Variants in TAFA2 observed in about 807,000 individuals in gnomAD.
The protein encoded by TAFA2 is TAFA chemokine like family member 2, also known as chemokine-like protein TAFA-2.
TAFA2 carries 7 observed loss-of-function variants against 18.8 expected under a neutral mutation model. That is an observed-to-expected ratio of 0.37 (90% confidence interval 0.21 to 0.70). The LOEUF is 0.70. Among genes scored for constraint, TAFA2 ranks in the 30% least tolerant of loss-of-function variants. TAFA2 has a pLI of 0.53. For missense variants in TAFA2, 122 were observed against 158.1 expected, an observed-to-expected ratio of 0.77 and a Z score of 1.23; for synonymous variants, 60 against 54.2, an observed-to-expected ratio of 1.11 and a Z score of -0.47.
intron 1 of TAFA2, among the ~76,000 whole-genome samples, chr12:62,034,471 T>C (rs1881547914): frequency 6.6e-6 from 1 of 152,250 alleles, no homozygotes; most frequent in Non-Finnish European, 1.5e-5. Context: ...CTAATTTGTT[T>C]TGGATAATAA....
At chr12:61,858,819 C>T (rs1251574008) in intron 2 of TAFA2, among the ~76,000 whole-genome samples, 2 of 152,110 alleles carry the variant, frequency 1.3e-5, no homozygotes, top group Non-Finnish European at 2.9e-5. Flanking sequence ...TCCACAGCAG[C>T]ATTGTCAATA....
At chr12:62,155,369 C>T (rs2062361240) in intron 1 of TAFA2, among the ~76,000 whole-genome samples, 2 of 152,022 alleles carry the variant, frequency 1.3e-5, no homozygotes, top group Admixed American at 1.3e-4. Flanking sequence ...AATGGCCATA[C>T]TAACAAAAGC....
intron 1 of TAFA2, among the ~76,000 whole-genome samples, chr12:62,016,506 G>A (rs996965359): frequency 4.6e-5 from 7 of 152,060 alleles, no homozygotes; most frequent in South Asian, 2.1e-4. Context: ...AAAGCTAATC[G>A]GAAAATGTTA....
At chr12:61,753,827 G>C in intron 3 of TAFA2, 81 bp from the exon 4 acceptor site, 1 of 1,315,002 alleles carries the variant, frequency 7.6e-7, no homozygotes, top group Non-Finnish European at 1.0e-6. Flanking sequence ...AGGAACAAAA[G>C]CCACTAATTT....
At chr12:61,851,619 TA>T (rs1234370399) in intron 2 of TAFA2, among the ~76,000 whole-genome samples, 1 of 149,196 alleles carries the variant, frequency 6.7e-6, no homozygotes, top group Non-Finnish European at 1.5e-5. Flanking sequence ...ACTAAATATA[TA>T]AAAAATTAGC....
chr12:62,253,551 T>C (rs765937820), intron 1 of TAFA2: 9 of 152,206 alleles, frequency 5.9e-5, no homozygotes, highest in Admixed American at 2.6e-4. Context: ...TAACAGAGAA[T>C]TCATTTCCTT....
At chr12:61,842,861 A>T (rs1171635648) in intron 2 of TAFA2, among the ~76,000 whole-genome samples, 1 of 152,124 alleles carries the variant, frequency 6.6e-6, no homozygotes, top group Admixed American at 6.6e-5. Flanking sequence ...AGGGCAATCA[A>T]ATCCTCTCTC....
At chr12:61,749,484 T>G (rs567771616) in intron 4 of TAFA2, among the ~76,000 whole-genome samples, 1 of 152,226 alleles carries the variant, frequency 6.6e-6, no homozygotes, top group South Asian at 2.1e-4. Flanking sequence ...TATTTGCTTT[T>G]GTTGTTTTAA....
At chr12:62,074,432 G>T (rs1009347202) in intron 1 of TAFA2, among the ~76,000 whole-genome samples, 1 of 152,172 alleles carries the variant, frequency 6.6e-6, no homozygotes, top group African/African-American at 2.4e-5. Flanking sequence ...AGAGTGACAT[G>T]TCTTATGAGC....
chr12:62,149,663 C>T (rs558243291), intron 1 of TAFA2, among the ~76,000 whole-genome samples: 7 of 150,660 alleles, frequency 4.6e-5, no homozygotes, highest in Admixed American at 6.6e-5. Context: ...CTTAATTTTA[C>T]AAATTACTAT....
At chr12:62,134,365 C>A (rs186432289) in intron 1 of TAFA2, among the ~76,000 whole-genome samples, 1 of 152,002 alleles carries the variant, frequency 6.6e-6, no homozygotes, top group East Asian at 1.9e-4. Context: ...GAGACCAGAG[C>A]ATTTGCACAT....
At chr12:61,972,619 C>T (rs980558108) in intron 1 of TAFA2, among the ~76,000 whole-genome samples, 4 of 151,632 alleles carry the variant, frequency 2.6e-5, no homozygotes, top group African/African-American at 9.7e-5. Context: ...CAGTAAATAA[C>T]TGGGCAGAAT....
intron 1 of TAFA2, among the ~76,000 whole-genome samples, chr12:61,963,260 A>G (rs1296256164): frequency 6.6e-6 from 1 of 152,024 alleles, no homozygotes; most frequent in South Asian, 2.1e-4. Context: ...TGCTGGGTCA[A>G]CCAGTATTTC....
chr12:62,035,329 A>C (rs765229426), intron 1 of TAFA2, among the ~76,000 whole-genome samples: 1 of 152,206 alleles, frequency 6.6e-6, no homozygotes, highest in Non-Finnish European at 1.5e-5. Context: ...ACAAACAACC[A>C]GTTACACAAT....
chr12:61,713,085 T>A lies in TAFA2; in HGVS notation c.385-2668A>T, dbSNP rs1869488742. Among the ~76,000 whole-genome samples, 4 of 152,310 alleles carry A rather than the reference T, an allele frequency of 2.6e-5. No individual in the cohort carries two copies. In the South Asian group the frequency reaches 8.3e-4, roughly 32 times the overall value. Reference sequence around the variant, plus strand: ...CTATTAAATTTAGCCTAAAGCTTCCTCCTTACATATTTTAAGTTCAGCCTA... The same window carrying A: ...CTATTAAATTTAGCCTAAAGCTTCCACCTTACATATTTTAAGTTCAGCCTA... On this transcript the variant is annotated intron_variant, in intron 4 of 4. Coordinates refer to ENST00000416284, the MANE Select transcript of TAFA2 (RefSeq NM_178539.5).
chr12:61,890,995 A>C (rs190995083), intron 1 of TAFA2, among the ~76,000 whole-genome samples: 1 of 152,210 alleles, frequency 6.6e-6, no homozygotes, highest in Non-Finnish European at 1.5e-5. Context: ...TCTGTTTTAG[A>C]AAATCACCAA....
intron 1 of TAFA2, among the ~76,000 whole-genome samples, chr12:62,050,484 C>G (rs927209042): frequency 6.6e-6 from 1 of 151,566 alleles, no homozygotes; most frequent in East Asian, 2.0e-4. Flanking sequence ...AGGCAGGAGA[C>G]TGGCGTGAAC....
chr12:61,995,059 T>C lies in TAFA2; in HGVS notation c.-1-127633A>G, dbSNP rs1354103798. ...GAGTGTTCCTATTAACATAAATTAG[T>C]CCACTTCTGTCTACTGTGTCATACT... On this transcript the variant is annotated intron_variant, in intron 1 of 4. Coordinates refer to ENST00000416284, the MANE Select transcript of TAFA2 (RefSeq NM_178539.5). 3.9e-5 allele frequency among the ~76,000 whole-genome samples: 6 copies of C among 152,168 alleles called. No homozygotes were observed. The South Asian group carries it at 6.2e-4, about 16-fold the overall frequency.
intron 1 of TAFA2, among the ~76,000 whole-genome samples, chr12:61,901,917 T>C (rs1446790312): frequency 1.3e-5 from 2 of 152,148 alleles, no homozygotes; most frequent in African/African-American, 4.8e-5. Context: ...ACACATCAAA[T>C]TTTTCTTATT....
Sources: allele counts gnomAD v4.1 joint callset (sites outside exome capture counted in the v4.1 genomes callset), GRCh38; gene constraint gnomAD v4.1.1; transcripts MANE v1.5; gene names NCBI Gene and HGNC (gene_info 2026-07-23, HGNC 2026-07-21).